The following TSPAN14 variants were observed in gnomAD, a reference collection of about 807,000 sequenced individuals.
TSPAN14 encodes the protein tetraspanin-14.
In TSPAN14, 16 loss-of-function variants were observed where a neutral mutation model predicts 36.6. The ratio of observed to expected loss-of-function variants is 0.44; its 90% confidence interval spans 0.30 to 0.66. TSPAN14 has a LOEUF of 0.66. TSPAN14 is among the 30% of genes least tolerant of loss of function. The probability of loss-of-function intolerance (pLI) is 0.12; values close to 1 mark genes in which losing one functional copy is unlikely to be tolerated. For synonymous variants in TSPAN14, 139 were observed against 143.8 expected (o/e 0.97, Z 0.24); for missense variants, 231 against 355.1 (o/e 0.65, Z 2.81).
chr10:80,468,759 C>G (rs1490342091), intron 1 of TSPAN14: 3 of 140,078 alleles, frequency 2.1e-5, no homozygotes, highest in Non-Finnish European at 3.0e-5. Flanking sequence ...TCTGACTGTG[C>G]GCTCAGTGGT....
chr10:80,517,828 CA>C, intron 8 of TSPAN14, 76 bp from the exon 9 acceptor site: 1 of 1,437,940 alleles, frequency 7.0e-7, no homozygotes, highest in Non-Finnish European at 9.6e-7. Flanking sequence ...TGGGAGCTCC[CA>C]ACCCCACCCT....
intron 3 of TSPAN14, 171 bp from the exon 4 acceptor site, chr10:80,507,057 C>T (rs78944437): frequency 1.0e-5 from 8 of 771,838 alleles, no homozygotes; most frequent in Admixed American, 5.6e-5. Context: ...ATCGCCTGGT[C>T]GGAGGGGCCC....
chr10:80,462,821 T>G (rs947513100), intron 1 of TSPAN14, among the ~76,000 whole-genome samples: 3 of 152,108 alleles, frequency 2.0e-5, no homozygotes, highest in East Asian at 3.9e-4. Context: ...TTGAAATAGC[T>G]TTCTTTAGTT....
intron 7 of TSPAN14, 61 bp downstream of exon 7, chr10:80,514,124 C>A (rs1840806696): frequency 3.4e-6 from 5 of 1,486,864 alleles, no homozygotes; most frequent in Non-Finnish European, 4.7e-6. Context: ...TGTGGTTCAA[C>A]ATTCTGATTT....
chr10:80,504,887 C>A, intron 3 of TSPAN14, 109 bp downstream of exon 3: 1 of 1,194,032 alleles, frequency 8.4e-7, no homozygotes. Context: ...ATTTCTTGTG[C>A]AGTGTCAAGG....
At chr10:80,501,285 CCTT>C (rs1190614349) in intron 2 of TSPAN14, among the ~76,000 whole-genome samples, 1 of 106,084 alleles carries the variant, frequency 9.4e-6, no homozygotes, top group Non-Finnish European at 1.8e-5. Context: ...TTTTAGAAAA[CCTT>C]TTTTTTTTTT....
intron 2 of TSPAN14, among the ~76,000 whole-genome samples, chr10:80,494,632 G>C (rs983745091): frequency 1.2e-4 from 19 of 152,266 alleles, no homozygotes; most frequent in African/African-American, 3.1e-4. Flanking sequence ...GGGCTCTTCT[G>C]ACTGATGGAA....
At chr10:80,512,354 C>T in intron 6 of TSPAN14, 85 bp downstream of exon 6, 15 of 1,548,480 alleles carry the variant, frequency 9.7e-6, no homozygotes, top group Non-Finnish European at 1.3e-5. Flanking sequence ...CTCTAGGATA[C>T]TTCTCTGTCA....
intron 1 of TSPAN14, among the ~76,000 whole-genome samples, chr10:80,470,122 G>A (rs934442182): frequency 3.9e-5 from 6 of 151,968 alleles, no homozygotes; most frequent in Admixed American, 1.3e-4. Flanking sequence ...GTCTTGCTCT[G>A]TTGCCCAGGC....
At chr10:80,514,155 T>G in intron 7 of TSPAN14, 92 bp downstream of exon 7, 1 of 1,256,302 alleles carries the variant, frequency 8.0e-7, no homozygotes, top group Non-Finnish European at 1.1e-6. Context: ...CAAATTGAAG[T>G]GGGAAAACTC....
chr10:80,476,517 G>A (rs577757508), intron 1 of TSPAN14, among the ~76,000 whole-genome samples: 99 of 137,920 alleles, frequency 7.2e-4, no homozygotes, highest in Admixed American at 1.4e-3. Flanking sequence ...CCGGGTTCAC[G>A]CCATTCTCCT....
chr10:80,518,289 A>C, exon 9 of TSPAN14: 2 of 413,636 alleles, frequency 4.8e-6, no homozygotes, highest in East Asian at 4.7e-5. Context: ...CTTGACTCAG[A>C]CCCCCTGCAG....
At chr10:80,482,838 T>C (rs1252094055) in intron 1 of TSPAN14, among the ~76,000 whole-genome samples, 5 of 148,310 alleles carry the variant, frequency 3.4e-5, no homozygotes, top group African/African-American at 1.0e-4. Context: ...CTGGTTCAAG[T>C]GATTCTCCTG....
intron 6 of TSPAN14, among the ~76,000 whole-genome samples, chr10:80,512,965 AG>A (rs1840738030): frequency 6.6e-6 from 1 of 152,100 alleles, no homozygotes; most frequent in African/African-American, 2.4e-5. Context: ...GTGCGATCTC[AG>A]CTCACTGTAC....
At chr10:80,480,694 A>G (rs925804056) in intron 1 of TSPAN14, among the ~76,000 whole-genome samples, 1 of 150,400 alleles carries the variant, frequency 6.6e-6, no homozygotes, top group African/African-American at 2.5e-5. Context: ...AAAACCAAAC[A>G]CCGTATATTC....
intron 3 of TSPAN14, 122 bp from the exon 4 acceptor site, chr10:80,507,106 C>T: frequency 1.5e-6 from 2 of 1,335,054 alleles, no homozygotes; most frequent in Admixed American, 2.1e-5. Context: ...GCCTGGCTGT[C>T]AACAAGAGGG....
At chr10:80,517,931 G>A (rs1472920872) in exon 9 of TSPAN14, 4 of 1,567,048 alleles carry the variant, frequency 2.6e-6, no homozygotes, top group Admixed American at 1.9e-5. Flanking sequence ...TGGCAAGGAC[G>A]CTGATCTCAG....
chr10:80,508,739 A>G (rs1406427949), intron 4 of TSPAN14, among the ~76,000 whole-genome samples: 3 of 152,184 alleles, frequency 2.0e-5, no homozygotes, highest in African/African-American at 4.8e-5. Context: ...TGCATGAACT[A>G]TGTGACCTCA....
chr10:80,520,133 G>C (rs1368693448), exon 9 of TSPAN14: 6 of 165,252 alleles, frequency 3.6e-5, no homozygotes, highest in African/African-American at 1.4e-4. Context: ...CACCTCACTA[G>C]ATGCCTCTGA....
Sources: gnomAD v4.1 joint callset for allele counts (sites outside exome capture counted in the v4.1 genomes callset) on GRCh38, gnomAD v4.1.1 for gene constraint, MANE v1.5 for transcripts, NCBI Gene and HGNC (gene_info 2026-07-23, HGNC 2026-07-21) for gene names.